KIF4A: variants seen among roughly 807,000 people sequenced by gnomAD.
The protein encoded by KIF4A is chromosome-associated kinesin KIF4A.
In KIF4A, 7 loss-of-function variants were observed where a neutral mutation model predicts 105.9. That is an observed-to-expected ratio of 0.07 (90% CI 0.04 to 0.12). KIF4A has a LOEUF of 0.12. KIF4A is among the 10% of genes least tolerant of loss of function. The probability of loss-of-function intolerance (pLI) is 1.00; values close to 1 mark genes in which losing one functional copy is unlikely to be tolerated. For synonymous variants in KIF4A, 281 were observed against 331.3 expected (o/e 0.85, Z 1.65); for missense variants, 558 against 929.2 (o/e 0.60, Z 5.19).
At chrX:70,387,819 G>T in intron 20 of KIF4A, among the ~76,000 whole-genome samples, 1 of 111,684 alleles carries the variant, frequency 9.0e-6, no homozygotes, top group Non-Finnish European at 1.9e-5. Flanking sequence ...AGTAAGCCAA[G>T]ATCGCACCAT....
At chrX:70,331,470 T>C (rs1171190646) in intron 9 of KIF4A, among the ~76,000 whole-genome samples, 1 of 111,620 alleles carries the variant, frequency 9.0e-6, no homozygotes, top group Non-Finnish European at 1.9e-5. Flanking sequence ...CTGTAGTATA[T>C]TAAATGTGCA....
intron 9 of KIF4A, among the ~76,000 whole-genome samples, chrX:70,332,619 A>T (rs891078821): frequency 9.0e-6 from 1 of 111,629 alleles, no homozygotes; most frequent in African/African-American, 3.3e-5. Flanking sequence ...TTTTGTTTTT[A>T]AGATGGGAGA....
intron 22 of KIF4A, 55 bp from the exon 23 acceptor site, chrX:70,402,511 C>G: frequency 8.5e-7 from 1 of 1,176,368 alleles, no homozygotes. Context: ...GAGCTCTTCC[C>G]CCTTCTTGAT....
intron 3 of KIF4A, among the ~76,000 whole-genome samples, chrX:70,292,108 A>T (rs188802560): frequency 3.2e-4 from 36 of 111,994 alleles, no homozygotes; most frequent in African/African-American, 1.2e-3. Flanking sequence ...TTTGAGATGA[A>T]TCATTGGCCT....
intron 15 of KIF4A, among the ~76,000 whole-genome samples, chrX:70,370,885 G>A (rs751194762): frequency 4.3e-5 from 4 of 92,955 alleles, no homozygotes; most frequent in South Asian, 5.4e-4. Flanking sequence ...GCAGTAAGCC[G>A]AGATCACACC....
At position 70,301,882 on chromosome X, in the gene KIF4A, T is replaced by C; in HGVS notation, c.517-18T>C. On this transcript the variant is annotated intron_variant, in intron 5 of 30. Coordinates refer to ENST00000374403, the MANE Select transcript of KIF4A (RefSeq NM_012310.5). ...TGAAGTATAAATCATAAGGGAATTT[T>C]CTCTTTCTTGCAATTAGATTGTGGG... 1.7e-6 allele frequency: 2 copies of C among 1,203,761 alleles called. No homozygotes were observed. The highest frequency in any genetic ancestry group is 2.2e-6 in the Non-Finnish European group (2 of 890,170).
At chrX:70,367,068 C>A (rs1213551869) in intron 15 of KIF4A, among the ~76,000 whole-genome samples, 1 of 110,586 alleles carries the variant, frequency 9.0e-6, no homozygotes, top group Non-Finnish European at 1.9e-5. Context: ...GACTAGGATT[C>A]CAACCCTTGC....
intron 15 of KIF4A, among the ~76,000 whole-genome samples, chrX:70,363,405 C>T (rs780868952): frequency 3.4e-4 from 38 of 110,384 alleles, no homozygotes; most frequent in Non-Finnish European, 6.2e-4. Context: ...TCCCCTGACC[C>T]CACAACAGGC....
At chrX:70,373,164 C>T (rs2086147585) in intron 15 of KIF4A, among the ~76,000 whole-genome samples, 1 of 108,702 alleles carries the variant, frequency 9.2e-6, no homozygotes, top group South Asian at 4.1e-4. Flanking sequence ...CCTTGCTACT[C>T]AGGAGGCTAA....
At chrX:70,331,145 G>C (rs1262716522) in intron 9 of KIF4A, among the ~76,000 whole-genome samples, 2 of 86,602 alleles carry the variant, frequency 2.3e-5, no homozygotes, top group African/African-American at 8.6e-5. Context: ...CTGTACAGTA[G>C]AAATAATAAT....
intron 13 of KIF4A, among the ~76,000 whole-genome samples, chrX:70,350,378 G>A (rs1047166423): frequency 2.9e-4 from 32 of 111,829 alleles, no homozygotes; most frequent in African/African-American, 9.8e-4. Context: ...CCAGGCACTC[G>A]GCAGGCCGAG....
rs2085785314 is a variant in KIF4A, at chrX:70,296,863, T to A, written c.236-135T>A. On this transcript the variant is annotated intron_variant, in intron 3 of 30. Transcript: ENST00000374403. ...ATGGTACCCACAGAACTTTTCTTTG[T>A]GTCTGCCATTCTTAAGAGACTGTAT... 8 of 686,412 alleles carry A rather than the reference T, an allele frequency of 1.2e-5. No homozygotes were observed. The Admixed American group carries it at 1.2e-4, about 11-fold the overall frequency. 56.6% of individuals were successfully genotyped at this position (686,412 alleles called of 1,213,427 possible).
intron 29 of KIF4A, 87 bp downstream of exon 29, chrX:70,418,091 G>A: frequency 1.4e-6 from 1 of 731,037 alleles, no homozygotes; most frequent in Non-Finnish European, 2.1e-6. Context: ...CCTGAAACCT[G>A]GAGTCTCCTG....
intron 15 of KIF4A, among the ~76,000 whole-genome samples, chrX:70,365,363 G>T (rs1466895062): frequency 9.9e-5 from 11 of 111,603 alleles, no homozygotes; most frequent in Non-Finnish European, 1.9e-4. Context: ...CATTCAGTAT[G>T]ATATTGGCTG....
chrX:70,320,455 A>G (rs2085886148), intron 7 of KIF4A, among the ~76,000 whole-genome samples: 2 of 112,459 alleles, frequency 1.8e-5, no homozygotes, highest in Admixed American at 9.4e-5. Context: ...GGATAAAGAA[A>G]ATGTGGCATA....
chrX:70,413,119 A>G (rs181484887), intron 28 of KIF4A, among the ~76,000 whole-genome samples: 1 of 112,282 alleles, frequency 8.9e-6, no homozygotes, highest in Admixed American at 9.5e-5. Context: ...TCGTTTGACA[A>G]ATTTTTTTCT....
rs763283862 is a variant in KIF4A, at chrX:70,357,265, G to C, written c.1674+3458G>C. ...GGAGGCGGAGCTTGCAGTGAGCCGA[G>C]ATCACGCCACTGCACTCCAGCCTGG... is the stretch of plus-strand genomic sequence containing the variant. On this transcript the variant is annotated intron_variant, in intron 15 of 30. Transcript: ENST00000374403. Among the ~76,000 whole-genome samples, 1,049 of 111,823 alleles carry C rather than the reference G, an allele frequency of 9.4e-3. 11 individuals carry two copies. Among genetic ancestry groups the C allele is most frequent in the African/African-American group, 0.032 (996 of 30,743 alleles).
chrX:70,365,970 G>C (rs1431152286), intron 15 of KIF4A, among the ~76,000 whole-genome samples: 1 of 111,092 alleles, frequency 9.0e-6, no homozygotes, highest in African/African-American at 3.3e-5. Context: ...GTTTAGTCTT[G>C]GGAGGGTGTA....
At chrX:70,394,077 G>T (rs1316622378) in intron 20 of KIF4A, among the ~76,000 whole-genome samples, 1 of 109,089 alleles carries the variant, frequency 9.2e-6, no homozygotes, top group East Asian at 2.8e-4. Flanking sequence ...TGTTGCTCAG[G>T]CTGGTCTCAA....
Sources: gnomAD v4.1 joint callset for allele counts (sites outside exome capture counted in the v4.1 genomes callset) on GRCh38, gnomAD v4.1.1 for gene constraint, MANE v1.5 for transcripts, NCBI Gene and HGNC (gene_info 2026-07-23, HGNC 2026-07-21) for gene names.